The following SEC22B variants were observed in gnomAD, a reference collection of about 807,000 sequenced individuals.
SEC22B encodes SEC22 homolog B, vesicle trafficking protein, also known as vesicle-trafficking protein SEC22b.
SEC22B carries 10 observed loss-of-function variants against 31.4 expected under a neutral mutation model. That is an observed-to-expected ratio of 0.32 (90% CI 0.20 to 0.54). The LOEUF (loss-of-function observed/expected upper bound fraction) is 0.54. Among genes scored for constraint, SEC22B ranks in the 20% least tolerant of loss-of-function variants. SEC22B has a pLI of 0.94. For missense variants in SEC22B, 130 were observed against 263.4 expected, an observed-to-expected ratio of 0.49 and a Z score of 3.50; for synonymous variants, 60 against 95.9, an observed-to-expected ratio of 0.63 and a Z score of 2.19.
chr1:120,171,365 A>C (rs1657892819), intron 1 of SEC22B, among the ~76,000 whole-genome samples: 1 of 107,932 alleles, frequency 9.3e-6, no homozygotes, highest in African/African-American at 7.5e-5. Context: ...AAGACTAACA[A>C]CTGTATCAAC....
At chr1:120,170,850 T>C (rs1274005181) in intron 1 of SEC22B, among the ~76,000 whole-genome samples, 2,046 of 144,722 alleles carry the variant, frequency 0.014, 25 homozygotes, top group East Asian at 0.062. Flanking sequence ...TTTCCTAAAT[T>C]TGAATGGTAC....
chr1:120,166,798 A>C (rs1657819817), intron 2 of SEC22B, among the ~76,000 whole-genome samples: 1 of 148,494 alleles, frequency 6.7e-6, no homozygotes, highest in Non-Finnish European at 1.5e-5. Flanking sequence ...AATGTTCACA[A>C]CACAAAGAAA....
rs1352650195 is a variant in SEC22B at position 120,171,057 on chromosome 1, C to A, written c.76-2108G>T. On this transcript the variant is annotated intron_variant, in intron 1 of 4. Transcript: ENST00000578049. The stretch of plus-strand genomic sequence containing the variant: ...GCCAAGAAATAATATCAACATAGAT[C>A]GGTGATTTTCAACCTTGGCTTCACA... Among the ~76,000 whole-genome samples the A allele has an allele frequency of 6.9e-5, 9 of 129,924 alleles. 3 individuals carry two copies. Among genetic ancestry groups the A allele is most frequent in the African/African-American group, 3.8e-4 (9 of 23,872 alleles). The allele number at this position is 129,924 out of a possible 152,430, so 85.2% of individuals were successfully genotyped here.
At position 120,160,429 on chromosome 1, in the gene SEC22B, C is replaced by A; in HGVS notation, c.448G>T (p.Val150Leu). 6.2e-7 allele frequency: 1 copy of A among 1,613,092 alleles called. No homozygotes were observed. Among genetic ancestry groups the A allele is most frequent in the Admixed American group, 1.7e-5 (1 of 59,968 alleles). ...TGTAACACTTCTTCAATATTGGCCA[C>A]CATGATCCTCTGCACATCTTGCAAT... ...TELQDVQRIM[V>L]ANIEEVLQRG... The change falls in exon 4 of 5, where the codon GTG becomes TTG. Residue 150 changes from valine (V) to leucine (L), a missense_variant. By Grantham distance (32) the Val-to-Leu change is conservative. Transcript: ENST00000578049.
chr1:120,175,708 G>C (rs1156908723), intron 1 of SEC22B, among the ~76,000 whole-genome samples: 2 of 152,082 alleles, frequency 1.3e-5, no homozygotes, highest in African/African-American at 4.8e-5. Context: ...TCGTTTGCCC[G>C]CTAGGAAACT....
chr1:120,151,944 C>T lies in SEC22B; in HGVS notation c.*5094G>A, dbSNP rs1428600992. On this transcript the variant is annotated 3_prime_UTR_variant, in exon 5 of 5. Coordinates refer to ENST00000578049, the MANE Select transcript of SEC22B (RefSeq NM_004892.6). Reference sequence around the variant, plus strand: ...GCTCAGGTAAAGGGGTGGCAGGTGACGCTTAAATACTAGAAATATAAGAAG... The same window carrying T: ...GCTCAGGTAAAGGGGTGGCAGGTGATGCTTAAATACTAGAAATATAAGAAG... 1.6e-4 allele frequency: 25 copies of T among 152,148 alleles called. No individual in the cohort carries two copies. Among genetic ancestry groups the T allele is most frequent in the Middle Eastern group, 6.8e-3 (2 of 294 alleles). 9.4% of individuals were successfully genotyped at this position (152,148 alleles called of 1,614,324 possible).
chr1:120,151,765 TGTTAAA>T lies in SEC22B; in HGVS notation c.*5267_*5272del, dbSNP rs1269031842. On this transcript the variant is annotated 3_prime_UTR_variant, in exon 5 of 5. Coordinates refer to ENST00000578049, the MANE Select transcript of SEC22B (RefSeq NM_004892.6). ...GTAAGGAGGGTACTCCAAGAATCCA[TGTTAAA>T]GTTAATGAGGGCTTGAACCCAAACA... The T allele has an allele frequency of 6.6e-6, 1 of 151,758 alleles. No homozygotes were observed. The allele number at this position is 151,758 out of a possible 1,614,324, so 9.4% of individuals were successfully genotyped here.
At chr1:120,164,585 G>T (rs1329747980) in intron 2 of SEC22B, among the ~76,000 whole-genome samples, 1 of 152,328 alleles carries the variant, frequency 6.6e-6, no homozygotes, top group Non-Finnish European at 1.5e-5. Flanking sequence ...CCATGTTGCT[G>T]CAAAGGACAT....
intron 1 of SEC22B, among the ~76,000 whole-genome samples, chr1:120,170,827 C>A (rs1468240949): frequency 5.4e-5 from 8 of 147,950 alleles, no homozygotes; most frequent in Non-Finnish European, 8.9e-5. Context: ...AGAACTAGTG[C>A]ACAATATTCT....
chr1:120,173,262 C>T (rs1360894958), intron 1 of SEC22B, among the ~76,000 whole-genome samples: 1 of 52,032 alleles, frequency 1.9e-5, no homozygotes, highest in Non-Finnish European at 3.6e-5. Flanking sequence ...CAAGTCTGGA[C>T]TGCCCTTCAC....
At chr1:120,163,056 A>G (rs1382363623) in intron 3 of SEC22B, among the ~76,000 whole-genome samples, 154 bp downstream of exon 3, 3 of 152,226 alleles carry the variant, frequency 2.0e-5, no homozygotes, top group African/African-American at 4.8e-5. Flanking sequence ...GTCACTCAAA[A>G]AGACAAAAAG....
chr1:120,167,855 A>G (rs1352265288), intron 2 of SEC22B, among the ~76,000 whole-genome samples: 3 of 152,126 alleles, frequency 2.0e-5, no homozygotes, highest in African/African-American at 7.2e-5. Flanking sequence ...TCTCTAAACC[A>G]TGGTGAAAAT....
In SEC22B at chr1:120,155,931, G is replaced by A. The variant is rs1451662199; in HGVS notation, c.*1107C>T. 6 of 151,760 alleles carry A rather than the reference G, an allele frequency of 4.0e-5. No homozygotes were observed. Among genetic ancestry groups the A allele is most frequent in the African/African-American group, 1.2e-4 (5 of 41,334 alleles). 9.4% of individuals were successfully genotyped at this position (151,760 alleles called of 1,614,324 possible). On this transcript the variant is annotated 3_prime_UTR_variant, in exon 5 of 5. Coordinates refer to ENST00000578049, the MANE Select transcript of SEC22B (RefSeq NM_004892.6). Reference sequence around the variant, plus strand: ...TTACACGAACTAAAACAGGAATGAAGTGCTCTCAGAGACTTTTTCTCAGGT... The same window carrying A: ...TTACACGAACTAAAACAGGAATGAAATGCTCTCAGAGACTTTTTCTCAGGT...
At position 120,152,413 on chromosome 1, in the gene SEC22B, T is replaced by C. The variant is rs1657559175; in HGVS notation, c.*4625A>G. ...CATTAACTCATATGTCAAAACAACA[T>C]CTAGAGAAACAAAAAATGAAAGTAA... On this transcript the variant is annotated 3_prime_UTR_variant, in exon 5 of 5. Coordinates refer to ENST00000578049, the MANE Select transcript of SEC22B (RefSeq NM_004892.6). 1 of 145,994 alleles carries C rather than the reference T, an allele frequency of 6.8e-6. No homozygotes were observed. The allele number at this position is 145,994 out of a possible 1,614,324, so 9.0% of individuals were successfully genotyped here.
intron 2 of SEC22B, among the ~76,000 whole-genome samples, chr1:120,165,194 T>C (rs1444837075): frequency 2.0e-5 from 3 of 152,122 alleles, no homozygotes; most frequent in Non-Finnish European, 4.4e-5. Context: ...CATACACATA[T>C]TTAAACTCTT....
rs1657610121 is a variant in SEC22B at position 120,155,238 on chromosome 1, C to T, written c.*1800G>A. Reference sequence around the variant, plus strand: ...TACAAGTATTTATTTCATTGCTGACCATTAGGTTGCAGCATGCAACTCTCA... The same window carrying T: ...TACAAGTATTTATTTCATTGCTGACTATTAGGTTGCAGCATGCAACTCTCA... On this transcript the variant is annotated 3_prime_UTR_variant, in exon 5 of 5. Coordinates refer to ENST00000578049, the MANE Select transcript of SEC22B (RefSeq NM_004892.6). The T allele has an allele frequency of 1.3e-5, 2 of 152,076 alleles. No individual in the cohort carries two copies. The highest frequency in any genetic ancestry group is 3.9e-4 in the East Asian group (2 of 5,184). The allele number at this position is 152,076 out of a possible 1,614,324, so 9.4% of individuals were successfully genotyped here.
chr1:120,153,709 G>A lies in SEC22B; in HGVS notation c.*3329C>T, dbSNP rs1553229020. The A allele has an allele frequency of 2.8e-5, 3 of 107,860 alleles. 1 individual carries two copies. Among genetic ancestry groups the A allele is most frequent in the African/African-American group, 2.2e-4 (3 of 13,810 alleles). 6.7% of individuals were successfully genotyped at this position (107,860 alleles called of 1,614,324 possible). On this transcript the variant is annotated 3_prime_UTR_variant, in exon 5 of 5. Transcript: ENST00000578049. Reference sequence around the variant, plus strand: ...CCAAGTCACAGATGGAGTTTTCAAGGCTCTGGGTACTTACCTTTGAGTTCC... The same window carrying A: ...CCAAGTCACAGATGGAGTTTTCAAGACTCTGGGTACTTACCTTTGAGTTCC...
At chr1:120,164,781 A>G (rs1657780643) in intron 2 of SEC22B, among the ~76,000 whole-genome samples, 1 of 152,000 alleles carries the variant, frequency 6.6e-6, no homozygotes, top group African/African-American at 2.4e-5. Flanking sequence ...TAAACCCATT[A>G]ATGGGTTTGC....
intron 2 of SEC22B, among the ~76,000 whole-genome samples, chr1:120,164,484 TG>T (rs1266101901): frequency 6.8e-6 from 1 of 146,776 alleles, no homozygotes; most frequent in Admixed American, 6.9e-5. Context: ...GAGTGCCCAA[TG>T]TTTAGCTTAT....
Sources: allele counts gnomAD v4.1 joint callset (sites outside exome capture counted in the v4.1 genomes callset), GRCh38; gene constraint gnomAD v4.1.1; transcripts MANE v1.5; gene names NCBI Gene and HGNC (gene_info 2026-07-23, HGNC 2026-07-21).